Variants in DPH6 observed in about 807,000 individuals in gnomAD.
DPH6 encodes diphthamine biosynthesis 6.
DPH6 carries 33 observed loss-of-function variants against 38.2 expected under a neutral mutation model. The ratio of observed to expected loss-of-function variants is 0.86; its 90% CI spans 0.65 to 1.15. The LOEUF (loss-of-function observed/expected upper bound fraction) is 1.15. Ranked by LOEUF, DPH6 falls within the 50% of genes most tolerant of loss-of-function variation. The pLI is 0.00. For missense variants in DPH6, 325 were observed against 320.0 expected (o/e 1.02, Z -0.12); for synonymous variants, 108 against 103.0 (o/e 1.05, Z -0.30).
At chr15:35,211,260 T>C in the DPH6 span, among the ~76,000 whole-genome samples, 1 of 152,172 alleles carries the variant, frequency 6.6e-6, no homozygotes, top group Non-Finnish European at 1.5e-5. Context: ...GTGTAAATTA[T>C]TTAATAGAGA....
At chr15:35,231,609 A>C (rs1262536911) in intron 3 of DPH6, among the ~76,000 whole-genome samples, 1 of 152,230 alleles carries the variant, frequency 6.6e-6, no homozygotes, top group African/African-American at 2.4e-5. Flanking sequence ...CATCTCTGTA[A>C]TCACAGCACT....
At chr15:35,403,543 C>T (rs775357568) in intron 6 of DPH6, among the ~76,000 whole-genome samples, 15 of 152,056 alleles carry the variant, frequency 9.9e-5, no homozygotes, top group Non-Finnish European at 2.1e-4. Context: ...CAGGGTCTTA[C>T]TCTGTCACCC....
At chr15:35,429,308 T>G (rs971052339) in intron 5 of DPH6, among the ~76,000 whole-genome samples, 14 of 152,262 alleles carry the variant, frequency 9.2e-5, no homozygotes, top group African/African-American at 3.1e-4. Context: ...TTTTACAATG[T>G]TGGTTTTAGG....
rs557233935 is a variant in DPH6, at chr15:35,505,598, A to C, written c.312+32676T>G. Reference sequence around the variant, plus strand: ...GTGGCCTTGAGTGATTCTGATCCTGAAGTTACCGTCTTGCTTATACTCTAA... The same window carrying C: ...GTGGCCTTGAGTGATTCTGATCCTGCAGTTACCGTCTTGCTTATACTCTAA... On this transcript the variant is annotated intron_variant, in intron 3 of 8. Coordinates refer to ENST00000256538, the MANE Select transcript of DPH6 (RefSeq NM_080650.4). Among the ~76,000 whole-genome samples the C allele has an allele frequency of 7.9e-5, 12 of 152,126 alleles. No homozygotes were observed. The East Asian group carries it at 2.1e-3, about 27-fold the overall frequency.
chr15:35,327,097 C>T (rs1367227893), downstream of DPH6, among the ~76,000 whole-genome samples: 1 of 152,058 alleles, frequency 6.6e-6, no homozygotes, highest in Non-Finnish European at 1.5e-5. Context: ...TGCAAAGGCC[C>T]TATAAAATGT....
chr15:35,514,598 A>T (rs1033137925), intron 3 of DPH6, among the ~76,000 whole-genome samples: 1 of 152,172 alleles, frequency 6.6e-6, no homozygotes, highest in African/African-American at 2.4e-5. Context: ...TCTGAATCAT[A>T]CGACTTCACT....
At chr15:35,454,115 T>A (rs544584859) in intron 4 of DPH6, among the ~76,000 whole-genome samples, 1 of 152,234 alleles carries the variant, frequency 6.6e-6, no homozygotes, top group East Asian at 1.9e-4. Flanking sequence ...TAACCAATAT[T>A]ATCATTTAAC....
intron 3 of DPH6, among the ~76,000 whole-genome samples, chr15:35,472,079 G>A (rs558338242): frequency 6.6e-6 from 1 of 152,120 alleles, no homozygotes; most frequent in Non-Finnish European, 1.5e-5. Flanking sequence ...AACATAGCGA[G>A]TCCTTATCTC....
chr15:35,256,510 A>G (rs1336998230), intron 3 of DPH6, among the ~76,000 whole-genome samples: 1 of 152,240 alleles, frequency 6.6e-6, no homozygotes, highest in African/African-American at 2.4e-5. Context: ...CAATGTATTC[A>G]ATGTACTAAA....
intron 3 of DPH6, among the ~76,000 whole-genome samples, chr15:35,309,243 G>C (rs1354203178): frequency 1.3e-5 from 2 of 152,130 alleles, no homozygotes; most frequent in Admixed American, 1.3e-4. Context: ...TAATTTGGCA[G>C]TTACCGTTTT....
At chr15:35,326,541 C>T (rs974610696), downstream of DPH6, among the ~76,000 whole-genome samples, 1 of 152,032 alleles carries the variant, frequency 6.6e-6, no homozygotes, top group Non-Finnish European at 1.5e-5. Context: ...AAGCGATCCT[C>T]CTACCTCAGC....
intron 3 of DPH6, among the ~76,000 whole-genome samples, chr15:35,512,490 A>G (rs968548409): frequency 7.2e-5 from 11 of 152,158 alleles, no homozygotes; most frequent in African/African-American, 2.7e-4. Context: ...ACACGAGGCC[A>G]CTGGTCATCG....
chr15:35,176,950 G>T, the DPH6 span, among the ~76,000 whole-genome samples: 3 of 152,218 alleles, frequency 2.0e-5, no homozygotes, highest in East Asian at 5.8e-4. Context: ...AGAAATAGCA[G>T]CGTACGGCAT....
At chr15:35,242,034 CT>C (rs2051603521) in intron 3 of DPH6, among the ~76,000 whole-genome samples, 1 of 144,390 alleles carries the variant, frequency 6.9e-6, no homozygotes, top group Non-Finnish European at 1.5e-5. Context: ...AACGTGCTTT[CT>C]TTACTATTCC....
At chr15:35,526,368 T>C (rs895391744) in intron 3 of DPH6, among the ~76,000 whole-genome samples, 146 of 152,288 alleles carry the variant, frequency 9.6e-4, no homozygotes, top group African/African-American at 3.4e-3. Flanking sequence ...TGTCAATGTC[T>C]TTTGAAAGAT....
chr15:35,291,701 G>A (rs183394524), intron 3 of DPH6, among the ~76,000 whole-genome samples: 3 of 152,280 alleles, frequency 2.0e-5, no homozygotes, highest in Admixed American at 6.5e-5. Flanking sequence ...AAAAGATGAT[G>A]TGATATCTTA....
At chr15:35,359,452 C>T (rs547252473) in intron 3 of DPH6, among the ~76,000 whole-genome samples, 2 of 152,184 alleles carry the variant, frequency 1.3e-5, no homozygotes, top group African/African-American at 4.8e-5. Context: ...TTGCTTCTCT[C>T]TGTGTAGTTT....
At chr15:35,344,844 C>G (rs927135793) in intron 3 of DPH6, among the ~76,000 whole-genome samples, 8 of 151,824 alleles carry the variant, frequency 5.3e-5, no homozygotes, top group African/African-American at 1.9e-4. Flanking sequence ...TGAATTTGAA[C>G]TACCTTTGGA....
At chr15:35,171,936 T>G in the DPH6 span, among the ~76,000 whole-genome samples, 1 of 152,080 alleles carries the variant, frequency 6.6e-6, no homozygotes, top group African/African-American at 2.4e-5. Context: ...GGCGCAGTCT[T>G]GGCTCACTGC....
Sources: gnomAD v4.1 joint callset for allele counts (sites outside exome capture counted in the v4.1 genomes callset) on GRCh38, gnomAD v4.1.1 for gene constraint, MANE v1.5 for transcripts, NCBI Gene and HGNC (gene_info 2026-07-23, HGNC 2026-07-21) for gene names.